The following ARFGEF2 variants were observed in gnomAD, a reference collection of about 807,000 sequenced individuals.
The protein encoded by ARFGEF2 is ARF guanine nucleotide exchange factor 2.
ARFGEF2 carries 74 observed loss-of-function variants against 219.9 expected under a neutral mutation model. The observed-to-expected ratio is 0.34, with a 90% CI of 0.28 to 0.41. The LOEUF (loss-of-function observed/expected upper bound fraction) is 0.41. Among genes scored for constraint, ARFGEF2 ranks in the 10% least tolerant of loss-of-function variants. The pLI is 1.00. For missense variants in ARFGEF2, 1,743 were observed against 2,218.3 expected, an observed-to-expected ratio of 0.79 and a Z score of 4.30; for synonymous variants, 733 against 799.2, an observed-to-expected ratio of 0.92 and a Z score of 1.40.
At chr20:48,999,819 G>A (rs971455319) in intron 25 of ARFGEF2, among the ~76,000 whole-genome samples, 1 of 151,122 alleles carries the variant, frequency 6.6e-6, no homozygotes, top group African/African-American at 2.4e-5. Context: ...TTAAGGGAAA[G>A]GTAATAATAA....
At chr20:48,935,945 G>A (rs1400743414) in intron 1 of ARFGEF2, among the ~76,000 whole-genome samples, 6 of 139,116 alleles carry the variant, frequency 4.3e-5, no homozygotes, top group African/African-American at 1.4e-4. Flanking sequence ...GCCGGGGGGG[G>A]GGGCTGACCC....
At chr20:48,948,258 T>G (rs2123337583) in intron 3 of ARFGEF2, among the ~76,000 whole-genome samples, 1 of 152,338 alleles carries the variant, frequency 6.6e-6, no homozygotes, top group African/African-American at 2.4e-5. Context: ...TTGTACAAGT[T>G]TCTCTGCAGC....
intron 27 of ARFGEF2, 143 bp downstream of exon 27, chr20:49,010,547 G>C (rs925534692): frequency 1.1e-6 from 1 of 930,238 alleles, no homozygotes; most frequent in Non-Finnish European, 1.7e-6. Flanking sequence ...TGTTGTAAGC[G>C]CTTGATGAGT....
intron 25 of ARFGEF2, among the ~76,000 whole-genome samples, chr20:49,000,750 T>C (rs2091420204): frequency 6.6e-6 from 1 of 152,232 alleles, no homozygotes; most frequent in South Asian, 2.1e-4. Flanking sequence ...CTCTCAGAAA[T>C]GACTAGCTAA....
At chr20:48,991,854 G>T (rs1748509638) in intron 21 of ARFGEF2, among the ~76,000 whole-genome samples, 1 of 152,164 alleles carries the variant, frequency 6.6e-6, no homozygotes, top group Admixed American at 6.5e-5. Flanking sequence ...AAGACAGGCA[G>T]ATAGTATGTG....
intron 9 of ARFGEF2, 108 bp downstream of exon 9, chr20:48,969,385 T>C (rs2123409887): frequency 6.2e-7 from 1 of 1,602,090 alleles, no homozygotes; most frequent in Admixed American, 1.7e-5. Flanking sequence ...CATGTCTCTT[T>C]GTCAGTGTAA....
intron 3 of ARFGEF2, among the ~76,000 whole-genome samples, chr20:48,948,894 G>A (rs1359952018): frequency 1.3e-5 from 2 of 152,220 alleles, no homozygotes; most frequent in Non-Finnish European, 2.9e-5. Flanking sequence ...ATAGGGGGCA[G>A]TATCTACAAG....
In ARFGEF2 at chr20:48,921,836, A is replaced by G. The variant is rs936997930; in HGVS notation, c.-54A>G. On this transcript the variant is annotated 5_prime_UTR_variant, in exon 1 of 39. Transcript: ENST00000371917. ...CGCCGGGCCCGCAGCCTAGCTCGCC[A>G]TCTCGCTCACGCCGCCCGCCCGCGG... 24 of 1,455,530 alleles carry G rather than the reference A, an allele frequency of 1.6e-5. No homozygotes were observed. The highest frequency in any genetic ancestry group is 2.4e-5 in the Admixed American group (1 of 41,536). 90.2% of individuals were successfully genotyped at this position (1,455,530 alleles called of 1,614,324 possible). A position where few individuals can be genotyped will look rare whatever the true frequency, so the allele number is the denominator to read the frequency against.
chr20:48,937,938 A>G (rs2090969172), intron 1 of ARFGEF2, among the ~76,000 whole-genome samples: 1 of 152,218 alleles, frequency 6.6e-6, no homozygotes, highest in South Asian at 2.1e-4. Context: ...AGTGTTTTGA[A>G]CCGTGGTTGT....
At chr20:49,014,775 A>C (rs1472902683) in intron 30 of ARFGEF2, among the ~76,000 whole-genome samples, 1 of 152,208 alleles carries the variant, frequency 6.6e-6, no homozygotes, top group African/African-American at 2.4e-5. Context: ...TAAATAAATA[A>C]ATATGGTTGA....
chr20:48,986,893 T>G (rs535427712), intron 16 of ARFGEF2, among the ~76,000 whole-genome samples: 4 of 152,212 alleles, frequency 2.6e-5, no homozygotes, highest in East Asian at 1.9e-4. Context: ...TCTGCAGAGA[T>G]AGAGTTTCAC....
At chr20:49,030,636 G>A (rs2091628741) in intron 37 of ARFGEF2, among the ~76,000 whole-genome samples, 3 of 151,950 alleles carry the variant, frequency 2.0e-5, no homozygotes. Flanking sequence ...AATTAAAGGA[G>A]GCACCAATGG....
At chr20:49,018,783 C>G (rs2091546091) in intron 33 of ARFGEF2, 101 bp from the exon 34 acceptor site, 4 of 912,306 alleles carry the variant, frequency 4.4e-6, no homozygotes, top group Non-Finnish European at 7.2e-6. Flanking sequence ...AAGCAAGGCA[C>G]TTAAATACAG....
intron 1 of ARFGEF2, among the ~76,000 whole-genome samples, chr20:48,930,995 A>C (rs2090909783): frequency 6.6e-6 from 1 of 152,224 alleles, no homozygotes; most frequent in African/African-American, 2.4e-5. Context: ...GAGGTCAGTA[A>C]GGTGAAATGC....
rs148199180 is a variant in ARFGEF2, at chr20:49,012,024, G to A, written c.3858G>A (p.Thr1286=). The A allele has an allele frequency of 3.8e-5, 62 of 1,614,092 alleles. No individual in the cohort carries two copies. Among genetic ancestry groups the A allele is most frequent in the Admixed American group, 1.2e-4 (7 of 60,010 alleles). Residue 1286 remains threonine (T), a synonymous_variant, in exon 28 of 39, where the codon ACG becomes ACA. Transcript: ENST00000371917. ...CCTGCAACGCCGCTTTCCCTGACAC[G>A]AGCATGGAAGCGATTCGGCTCATCC... The part of the protein sequence containing the change: ...EFACNAAFPD[T]SMEAIRLIRF...
At chr20:48,934,708 T>C (rs999920990) in intron 1 of ARFGEF2, among the ~76,000 whole-genome samples, 8 of 152,252 alleles carry the variant, frequency 5.3e-5, no homozygotes, top group Non-Finnish European at 1.2e-4. Context: ...GGTTGCATAG[T>C]AGTCCATGGT....
chr20:48,951,242 CT>C, intron 3 of ARFGEF2, 80 bp from the exon 4 acceptor site: 1 of 1,553,990 alleles, frequency 6.4e-7, no homozygotes, highest in Non-Finnish European at 8.8e-7. Flanking sequence ...AAGTGCCTGT[CT>C]TTTGCTCTTG....
At chr20:48,926,533 A>C (rs2090877905) in intron 1 of ARFGEF2, among the ~76,000 whole-genome samples, 1 of 151,616 alleles carries the variant, frequency 6.6e-6, no homozygotes, top group Non-Finnish European at 1.5e-5. Flanking sequence ...ATCTCAGGTC[A>C]CTGCAACCTC....
chr20:48,950,190 G>A (rs1270980610), intron 3 of ARFGEF2, among the ~76,000 whole-genome samples: 1 of 152,110 alleles, frequency 6.6e-6, no homozygotes, highest in South Asian at 2.1e-4. Flanking sequence ...GAGAGGGCAC[G>A]TTCCAAGCAG....
Sources: gnomAD v4.1 joint callset for allele counts (sites outside exome capture counted in the v4.1 genomes callset) on GRCh38, gnomAD v4.1.1 for gene constraint, MANE v1.5 for transcripts, NCBI Gene and HGNC (gene_info 2026-07-23, HGNC 2026-07-21) for gene names.